Variants in CALN1 observed in about 807,000 individuals in gnomAD.
CALN1 encodes the protein calneuron 1.
A neutral mutation model predicts 30.6 loss-of-function variants in CALN1; 17 were observed. That is an observed-to-expected ratio of 0.56 (90% CI 0.38 to 0.83). The LOEUF (loss-of-function observed/expected upper bound fraction) is 0.83. Ranked by LOEUF, CALN1 falls within the 40% of genes least tolerant of loss-of-function variation. The probability of loss-of-function intolerance (pLI) is 0.00; values close to 1 mark genes in which losing one functional copy is unlikely to be tolerated. For synonymous variants in CALN1, 156 were observed against 131.4 expected (o/e 1.19, Z -1.28); for missense variants, 291 against 354.9 (o/e 0.82, Z 1.45).
chr7:72,386,990 T>G (rs930118536), intron 2 of CALN1, among the ~76,000 whole-genome samples: 1 of 151,104 alleles, frequency 6.6e-6, no homozygotes, highest in African/African-American at 2.4e-5. Context: ...AATGCCTCAG[T>G]AGCAATACAC....
At chr7:72,269,723 A>C (rs1796847232) in intron 3 of CALN1, among the ~76,000 whole-genome samples, 1 of 152,182 alleles carries the variant, frequency 6.6e-6, no homozygotes. Context: ...AGCACTCTTC[A>C]GAGAAAGATA....
chr7:71,895,624 C>T (rs1165380190), intron 5 of CALN1, among the ~76,000 whole-genome samples: 1 of 152,160 alleles, frequency 6.6e-6, no homozygotes. Flanking sequence ...ATATTACATT[C>T]ATGCCAGGTG....
Position 71,787,692 on chromosome 7 carries a change from G to A in CALN1, c.*83C>T. 6.4e-7 allele frequency: 1 copy of A among 1,564,812 alleles called. No individual in the cohort carries two copies. The highest frequency in any genetic ancestry group is 8.7e-7 in the Non-Finnish European group (1 of 1,153,844). ...ATCCATCCATAGTCCATAGGTCCGT[G>A]TCTGCTGTGTGGAGGAAGAGTCTGC... On this transcript the variant is annotated 3_prime_UTR_variant, in exon 7 of 7. Coordinates refer to ENST00000395275, the MANE Select transcript of CALN1 (RefSeq NM_031468.4).
intron 5 of CALN1, among the ~76,000 whole-genome samples, chr7:71,943,416 C>G (rs1204732520): frequency 1.3e-5 from 2 of 152,062 alleles, no homozygotes; most frequent in Non-Finnish European, 2.9e-5. Flanking sequence ...CCTCTGTTTC[C>G]TCTTCTGTTA....
chr7:72,330,067 G>C (rs1801558691), intron 2 of CALN1, among the ~76,000 whole-genome samples: 1 of 151,630 alleles, frequency 6.6e-6, no homozygotes, highest in Non-Finnish European at 1.5e-5. Context: ...GAGGCAGGCG[G>C]ATCACCTGAG....
rs879120684 is a variant in CALN1 at position 72,403,394 on chromosome 7, G to A, written c.-25C>T. The stretch of plus-strand genomic sequence containing the variant: ...TCGGGGGTCCAGGGCGATGTTCTCA[G>A]AGAGAGTTAGAAGCTCATCAAAGGA... On this transcript the variant is annotated 5_prime_UTR_variant, in exon 2 of 7. Coordinates refer to ENST00000395275, the MANE Select transcript of CALN1 (RefSeq NM_031468.4). 12 of 1,526,594 alleles carry A rather than the reference G, an allele frequency of 7.9e-6. No homozygotes were observed. In the Admixed American group the frequency reaches 2.2e-4, roughly 28 times the overall value. The allele number at this position is 1,526,594 out of a possible 1,614,324, so 94.6% of individuals were successfully genotyped here. A position where few individuals can be genotyped will look rare whatever the true frequency, so the allele number is the denominator to read the frequency against.
chr7:72,431,702 T>A (rs1310762311), intron 1 of CALN1, among the ~76,000 whole-genome samples: 1 of 151,688 alleles, frequency 6.6e-6, no homozygotes, highest in African/African-American at 2.4e-5. Flanking sequence ...AATTACCGAG[T>A]GTGGTCATGC....
At chr7:72,304,684 G>A (rs1416205935) in intron 2 of CALN1, among the ~76,000 whole-genome samples, 2 of 151,840 alleles carry the variant, frequency 1.3e-5, no homozygotes, top group East Asian at 1.9e-4. Flanking sequence ...ATTAGGTCAG[G>A]CCATAAAATC....
intron 3 of CALN1, among the ~76,000 whole-genome samples, chr7:72,204,366 A>G (rs1250747659): frequency 2.6e-5 from 4 of 151,810 alleles, no homozygotes; most frequent in Non-Finnish European, 2.9e-5. Flanking sequence ...CTTTGTTCAT[A>G]ATGTATCAAA....
At chr7:72,098,764 G>GCGCA (rs1414936509) in intron 4 of CALN1, among the ~76,000 whole-genome samples, 7 of 142,730 alleles carry the variant, frequency 4.9e-5, no homozygotes, top group African/African-American at 1.8e-4. Context: ...CATTTGGCGC[G>GCGCA]CACACACACA....
At chr7:72,087,712 CAT>C (rs889838579) in intron 4 of CALN1, among the ~76,000 whole-genome samples, 7 of 152,028 alleles carry the variant, frequency 4.6e-5, no homozygotes, top group African/African-American at 7.2e-5. Flanking sequence ...TGAGGAAAAA[CAT>C]AGAGAAAGAA....
chr7:72,053,449 T>A (rs886358659), intron 4 of CALN1, among the ~76,000 whole-genome samples: 1 of 152,202 alleles, frequency 6.6e-6, no homozygotes, highest in African/African-American at 2.4e-5. Context: ...CTGGGTTGAA[T>A]GGCAGTTCTG....
At chr7:72,074,252 T>C (rs75130370) in intron 4 of CALN1, among the ~76,000 whole-genome samples, 1 of 152,234 alleles carries the variant, frequency 6.6e-6, no homozygotes, top group East Asian at 1.9e-4. Flanking sequence ...AAAAATATCA[T>C]ATTGGACCCA....
chr7:72,412,588 A>G (rs564315382), upstream of CALN1, among the ~76,000 whole-genome samples: 1 of 152,202 alleles, frequency 6.6e-6, no homozygotes, highest in African/African-American at 2.4e-5. Context: ...CCAAGTCCCC[A>G]CTGACCCAGA....
intron 2 of CALN1, among the ~76,000 whole-genome samples, chr7:72,280,864 T>C (rs1182335725): frequency 6.6e-6 from 1 of 152,076 alleles, no homozygotes; most frequent in Admixed American, 6.6e-5. Flanking sequence ...TGAGTTCAGT[T>C]GGGTGCGGTG....
intron 3 of CALN1, among the ~76,000 whole-genome samples, chr7:72,194,233 C>T (rs1031252832): frequency 6.6e-6 from 1 of 152,210 alleles, no homozygotes; most frequent in Admixed American, 6.5e-5. Flanking sequence ...ATGCCATTAA[C>T]CAAGGCTAAA....
intron 3 of CALN1, among the ~76,000 whole-genome samples, chr7:72,257,452 T>TAA (rs112806375): frequency 1.1e-4 from 17 of 151,198 alleles, no homozygotes; most frequent in East Asian, 3.9e-4. Context: ...ATTTTAAAAA[T>TAA]AAAAAAAAAT....
intron 4 of CALN1, among the ~76,000 whole-genome samples, chr7:72,024,546 A>C (rs1392077414): frequency 6.6e-6 from 1 of 151,968 alleles, no homozygotes; most frequent in Non-Finnish European, 1.5e-5. Context: ...TTACAGGAGC[A>C]AGCCACCAAG....
intron 5 of CALN1, among the ~76,000 whole-genome samples, chr7:71,843,852 A>C (rs1261801358): frequency 6.6e-6 from 1 of 152,206 alleles, no homozygotes; most frequent in Non-Finnish European, 1.5e-5. Flanking sequence ...TTCTTCTCTG[A>C]CAGTGACTGA....
Sources: allele counts gnomAD v4.1 joint callset (sites outside exome capture counted in the v4.1 genomes callset), GRCh38; gene constraint gnomAD v4.1.1; transcripts MANE v1.5; gene names NCBI Gene and HGNC (gene_info 2026-07-23, HGNC 2026-07-21).